The following EPHA6 variants were observed in gnomAD, a reference collection of about 807,000 sequenced individuals.
The protein encoded by EPHA6 is EPH receptor A6, also known as ephrin type-A receptor 6.
Under a neutral mutation model 112.0 loss-of-function variants are expected in EPHA6, and 50 were observed. The observed-to-expected ratio is 0.45, with a 90% CI of 0.36 to 0.56. The LOEUF is 0.56. Ranked by LOEUF, EPHA6 falls within the 20% of genes least tolerant of loss-of-function variation. The pLI is 0.00. For missense variants in EPHA6, 1,280 were observed against 1,417.4 expected, an observed-to-expected ratio of 0.90 and a Z score of 1.56; for synonymous variants, 529 against 490.7, an observed-to-expected ratio of 1.08 and a Z score of -1.03.
chr3:97,452,443 T>A (rs2090559441), intron 7 of EPHA6, among the ~76,000 whole-genome samples: 2 of 151,820 alleles, frequency 1.3e-5, no homozygotes, highest in African/African-American at 2.4e-5. Flanking sequence ...TATTTTAATG[T>A]TCGCATTTTA....
At chr3:97,387,512 C>A (rs943010737) in intron 5 of EPHA6, among the ~76,000 whole-genome samples, 1 of 151,306 alleles carries the variant, frequency 6.6e-6, no homozygotes, top group Admixed American at 6.6e-5. Context: ...GCAAGAGTGA[C>A]CTTTGCTCCA....
intron 3 of EPHA6, among the ~76,000 whole-genome samples, chr3:97,134,520 T>G (rs1313881740): frequency 6.6e-6 from 1 of 152,132 alleles, no homozygotes; most frequent in Non-Finnish European, 1.5e-5. Flanking sequence ...TTCTGAAATA[T>G]GAGACAGTAC....
At chr3:97,306,207 C>T (rs1035775017) in intron 5 of EPHA6, among the ~76,000 whole-genome samples, 3 of 151,172 alleles carry the variant, frequency 2.0e-5, no homozygotes, top group African/African-American at 7.3e-5. Context: ...AGGATACATA[C>T]AGAAAGACAG....
At chr3:97,406,475 G>T (rs772073888) in intron 6 of EPHA6, among the ~76,000 whole-genome samples, 3 of 152,050 alleles carry the variant, frequency 2.0e-5, no homozygotes, top group African/African-American at 7.2e-5. Context: ...CACCAATCCC[G>T]CAAATGAAGC....
chr3:97,299,402 A>G (rs1374308503), intron 5 of EPHA6, among the ~76,000 whole-genome samples: 1 of 152,222 alleles, frequency 6.6e-6, no homozygotes, highest in Non-Finnish European at 1.5e-5. Flanking sequence ...AGATGCTCCA[A>G]GGATTAAAGA....
chr3:96,972,700 T>C (rs2042363300), intron 2 of EPHA6, among the ~76,000 whole-genome samples: 1 of 152,196 alleles, frequency 6.6e-6, no homozygotes, highest in African/African-American at 2.4e-5. Context: ...CACACTGGTC[T>C]GAAGGTAAAT....
In EPHA6 at chr3:97,252,624, G is replaced by A. The variant is rs369632580; in HGVS notation, c.1606+8337G>A. 5.3e-4 allele frequency among the ~76,000 whole-genome samples: 81 copies of A among 152,222 alleles called. 1 individual carries two copies. Among genetic ancestry groups the A allele is most frequent in the African/African-American group, 1.6e-3 (68 of 41,538 alleles). On this transcript the variant is annotated intron_variant, in intron 5 of 17. Transcript: ENST00000389672. ...GACAGCAGTCACAGGGCAGGGATAG[G>A]GATTGGAAGACTGCATGGCTAAGAG...
chr3:97,304,783 G>A (rs985764199), intron 5 of EPHA6, among the ~76,000 whole-genome samples: 5 of 150,948 alleles, frequency 3.3e-5, no homozygotes, highest in African/African-American at 1.2e-4. Flanking sequence ...ACCTAAAAAA[G>A]CCCCAGAAGA....
At chr3:97,269,384 A>T (rs1189081905) in intron 5 of EPHA6, among the ~76,000 whole-genome samples, 1 of 151,974 alleles carries the variant, frequency 6.6e-6, no homozygotes, top group African/African-American at 2.4e-5. Flanking sequence ...CTTCTCTCAC[A>T]ATTTCTATGG....
intron 10 of EPHA6, among the ~76,000 whole-genome samples, chr3:97,509,692 T>G (rs2092329199): frequency 6.6e-6 from 1 of 152,152 alleles, no homozygotes; most frequent in Non-Finnish European, 1.5e-5. Flanking sequence ...AGGAGTATCT[T>G]TGTAGTATTT....
At chr3:97,373,191 A>G (rs2085157807) in intron 5 of EPHA6, among the ~76,000 whole-genome samples, 1 of 152,148 alleles carries the variant, frequency 6.6e-6, no homozygotes, top group Non-Finnish European at 1.5e-5. Flanking sequence ...GTATATTCAC[A>G]ATCCCTCCTA....
chr3:97,296,255 T>A (rs2080870850), intron 5 of EPHA6, among the ~76,000 whole-genome samples: 1 of 152,090 alleles, frequency 6.6e-6, no homozygotes, highest in Admixed American at 6.5e-5. Context: ...CAGGTAGGCC[T>A]GTACTCAGGC....
intron 12 of EPHA6, among the ~76,000 whole-genome samples, chr3:97,596,128 A>G (rs1483534247): frequency 2.6e-5 from 4 of 151,188 alleles, no homozygotes; most frequent in Non-Finnish European, 4.4e-5. Context: ...GATGGTCTCG[A>G]TCTACTGACC....
At chr3:97,419,478 A>G (rs1018186394) in intron 6 of EPHA6, among the ~76,000 whole-genome samples, 15 of 149,108 alleles carry the variant, frequency 1.0e-4, no homozygotes, top group Non-Finnish European at 1.8e-4. Flanking sequence ...TACAAAAATC[A>G]GCCTGGTGTG....
intron 1 of EPHA6, among the ~76,000 whole-genome samples, chr3:96,843,677 G>A (rs375597253): frequency 6.6e-6 from 1 of 152,122 alleles, no homozygotes; most frequent in East Asian, 1.9e-4. Flanking sequence ...AGCAAGGAAT[G>A]TTGTAAGTAA....
intron 3 of EPHA6, among the ~76,000 whole-genome samples, chr3:97,060,923 CAA>C (rs71623565): frequency 4.7e-5 from 1 of 21,244 alleles, no homozygotes; most frequent in South Asian, 2.3e-3. Flanking sequence ...GACTCCGTCT[CAA>C]AAAAAAAAAA....
At chr3:97,566,747 G>T (rs2107196381) in intron 11 of EPHA6, among the ~76,000 whole-genome samples, 1 of 152,214 alleles carries the variant, frequency 6.6e-6, no homozygotes, top group Middle Eastern at 3.4e-3. Flanking sequence ...CAGTCTATTG[G>T]CTCTGCTTTC....
At chr3:96,886,514 C>CT (rs2037635221) in intron 2 of EPHA6, among the ~76,000 whole-genome samples, 1 of 152,106 alleles carries the variant, frequency 6.6e-6, no homozygotes, top group South Asian at 2.1e-4. Flanking sequence ...CTTCTGGTGG[C>CT]TATTTGTATG....
chr3:97,503,033 T>A (rs553479297), intron 10 of EPHA6, among the ~76,000 whole-genome samples: 1 of 150,540 alleles, frequency 6.6e-6, no homozygotes, highest in South Asian at 2.1e-4. Context: ...ATATTACAGA[T>A]GAAAAAGGAA....
Sources: gnomAD v4.1 joint callset for allele counts (sites outside exome capture counted in the v4.1 genomes callset) on GRCh38, gnomAD v4.1.1 for gene constraint, MANE v1.5 for transcripts, NCBI Gene and HGNC (gene_info 2026-07-23, HGNC 2026-07-21) for gene names.